Variants in IL34 observed in about 807,000 individuals in gnomAD.
IL34 encodes interleukin-34.
Under a neutral mutation model 25.3 loss-of-function variants are expected in IL34, and 17 were observed. That is an observed-to-expected ratio of 0.67 (90% CI 0.46 to 1.01). The LOEUF is 1.01. Among genes scored for constraint, IL34 ranks in the 50% least tolerant of loss-of-function variants. The pLI is 0.00. For synonymous variants in IL34, 174 were observed against 140.9 expected (o/e 1.23, Z -1.66); for missense variants, 368 against 312.9 (o/e 1.18, Z -1.33).
intron 1 of IL34, among the ~76,000 whole-genome samples, chr16:70,641,524 C>G (rs1404146687): frequency 3.9e-5 from 5 of 129,270 alleles, no homozygotes; most frequent in African/African-American, 1.5e-4. Flanking sequence ...TCCCTCCCTT[C>G]CTCCCTCCCT....
chr16:70,654,476 G>A, intron 1 of IL34, 62 bp from the exon 2 acceptor site: 2 of 1,533,448 alleles, frequency 1.3e-6, no homozygotes, highest in South Asian at 1.3e-5. Context: ...GGCTTTGCGT[G>A]TTGTGGACGG....
chr16:70,646,994 C>T lies in IL34; in HGVS notation c.28+19C>T, dbSNP rs556241304. The T allele has an allele frequency of 2.1e-5, 31 of 1,448,912 alleles. No individual in the cohort carries two copies. The South Asian group carries it at 4.1e-4, about 19-fold the overall frequency. The allele number at this position is 1,448,912 out of a possible 1,614,324, so 89.8% of individuals were successfully genotyped here. On this transcript the variant is annotated intron_variant, in intron 1 of 5. Transcript: ENST00000288098. ...CTGCGCTGTGAGTACTGGGGGGTCC[C>T]TAGGGACCTGCATTGGGAGGCCTTG...
intron 1 of IL34, among the ~76,000 whole-genome samples, chr16:70,638,216 C>A (rs1466336319): frequency 6.6e-6 from 1 of 152,022 alleles, no homozygotes; most frequent in East Asian, 1.9e-4. Context: ...ATGGCTCATG[C>A]CTGTAACCCC....
At position 70,620,428 on chromosome 16, in the gene IL34, A is replaced by G. The variant is rs563079670; in HGVS notation, c.-400-26120A>G. Among the ~76,000 whole-genome samples the G allele has an allele frequency of 8.1e-3, 1,168 of 143,332 alleles. 10 individuals are homozygous for G. Among genetic ancestry groups the G allele is most frequent in the African/African-American group, 0.028 (1,008 of 35,994 alleles). The allele number at this position is 143,332 out of a possible 152,430, so 94.0% of individuals were successfully genotyped here. ...ACGCAACGAAACTGTAAGCCCCACCAGGTGTGAGGAGGGGAGGTGATAAAA... is the reference window on the plus strand; with the variant it reads ...ACGCAACGAAACTGTAAGCCCCACCGGGTGTGAGGAGGGGAGGTGATAAAA... On this transcript the variant is annotated intron_variant, in intron 1 of 6. Transcript: ENST00000429149.
At chr16:70,632,293 C>T (rs904496837) in intron 1 of IL34, among the ~76,000 whole-genome samples, 5 of 152,162 alleles carry the variant, frequency 3.3e-5, no homozygotes, top group African/African-American at 1.2e-4. Context: ...CTGACCTTCG[C>T]TGACCCTAAT....
intron 1 of IL34, among the ~76,000 whole-genome samples, chr16:70,650,309 T>C (rs1300907086): frequency 6.6e-6 from 1 of 152,140 alleles, no homozygotes; most frequent in Non-Finnish European, 1.5e-5. Flanking sequence ...AAACTTGCCC[T>C]TAGCAATGAT....
At chr16:70,587,333 A>G (rs2050706588) in intron 1 of IL34, among the ~76,000 whole-genome samples, 1 of 151,860 alleles carries the variant, frequency 6.6e-6, no homozygotes, top group Non-Finnish European at 1.5e-5. Context: ...GCAGTGGCAC[A>G]ATCTGAGCTC....
chr16:70,646,816 C>T lies in IL34; in HGVS notation c.-132C>T, dbSNP rs1374023752. The T allele has an allele frequency of 2.3e-6, 2 of 866,458 alleles. No individual in the cohort carries two copies. Among genetic ancestry groups the T allele is most frequent in the African/African-American group, 1.8e-5 (1 of 55,574 alleles). The allele number at this position is 866,458 out of a possible 1,614,324, so 53.7% of individuals were successfully genotyped here. A position where few individuals can be genotyped will look rare whatever the true frequency, so the allele number is the denominator to read the frequency against. ...GCTCACTCCCGCAGCCCAGCCACTCCTCCAGGGCCAGCCCTTCCCTGACTG... is the reference window on the plus strand; with the variant it reads ...GCTCACTCCCGCAGCCCAGCCACTCTTCCAGGGCCAGCCCTTCCCTGACTG... On this transcript the variant is annotated 5_prime_UTR_variant, in exon 1 of 6. Transcript: ENST00000288098.
chr16:70,588,791 C>A (rs1330213479), intron 1 of IL34, among the ~76,000 whole-genome samples: 2 of 152,118 alleles, frequency 1.3e-5, no homozygotes, highest in Non-Finnish European at 2.9e-5. Flanking sequence ...GTGAAATTAG[C>A]CAGGCACAAA....
At chr16:70,597,224 C>CT (rs199537943) in intron 1 of IL34, among the ~76,000 whole-genome samples, 112 of 144,820 alleles carry the variant, frequency 7.7e-4, no homozygotes, top group East Asian at 1.0e-3. Context: ...AGTTTTTTAG[C>CT]TTTTTTTTTT....
rs376172131 is a variant in IL34 at position 70,638,205 on chromosome 16, G to T, written c.-400-8343G>T. On this transcript the variant is annotated intron_variant, in intron 1 of 6. Transcript: ENST00000429149. ...TAAAAACTGGAATCAGACTGGGCGC[G>T]ATGGCTCATGCCTGTAACCCCAGCA... Among the ~76,000 whole-genome samples, 25 of 152,200 alleles carry T rather than the reference G, an allele frequency of 1.6e-4. No individual in the cohort carries two copies. The East Asian group carries it at 4.5e-3, about 27-fold the overall frequency.
At chr16:70,628,877 T>C (rs183738416) in intron 1 of IL34, among the ~76,000 whole-genome samples, 1 of 148,226 alleles carries the variant, frequency 6.7e-6, no homozygotes, top group African/African-American at 2.5e-5. Context: ...AGCTTCGAAC[T>C]CCTGGGTTCA....
chr16:70,605,104 G>A (rs147730308), intron 1 of IL34, among the ~76,000 whole-genome samples: 274 of 152,250 alleles, frequency 1.8e-3, no homozygotes, highest in Middle Eastern at 3.4e-3. Context: ...ATCAGGGAGA[G>A]AGGTGGGGAC....
At chr16:70,595,559 C>A (rs1205725588) in intron 1 of IL34, among the ~76,000 whole-genome samples, 1 of 152,026 alleles carries the variant, frequency 6.6e-6, no homozygotes, top group South Asian at 2.1e-4. Flanking sequence ...CTCATGTGAT[C>A]CTCCCACTTC....
chr16:70,658,600 G>GC (rs2052296188), intron 4 of IL34, among the ~76,000 whole-genome samples: 1 of 151,946 alleles, frequency 6.6e-6, no homozygotes, highest in South Asian at 2.1e-4. Context: ...TCCTGCCTCA[G>GC]CCTCCCAAGT....
chr16:70,646,828 C>A lies in IL34; in HGVS notation c.-120C>A. 1.0e-6 allele frequency: 1 copy of A among 972,488 alleles called. No individual in the cohort carries two copies. Among genetic ancestry groups the A allele is most frequent in the Non-Finnish European group, 1.5e-6 (1 of 689,050 alleles). 60.2% of individuals were successfully genotyped at this position (972,488 alleles called of 1,614,324 possible). On this transcript the variant is annotated 5_prime_UTR_variant, in exon 1 of 6. Transcript: ENST00000288098. Reference sequence around the variant, plus strand: ...AGCCCAGCCACTCCTCCAGGGCCAGCCCTTCCCTGACTGAGTGACCACCTC... The same window carrying A: ...AGCCCAGCCACTCCTCCAGGGCCAGACCTTCCCTGACTGAGTGACCACCTC...
At chr16:70,637,359 TTTA>T (rs1376098071) in intron 1 of IL34, among the ~76,000 whole-genome samples, 6 of 137,168 alleles carry the variant, frequency 4.4e-5, no homozygotes, top group African/African-American at 1.5e-4. Context: ...TTAATTTCTT[TTTA>T]TTATTTATTT....
chr16:70,630,649 C>T (rs1287523138), intron 1 of IL34, among the ~76,000 whole-genome samples: 1 of 151,424 alleles, frequency 6.6e-6, no homozygotes. Flanking sequence ...TCATGGCTCA[C>T]TGCAACCTCA....
rs566457883 is a variant in IL34 at position 70,618,579 on chromosome 16, G to C, written c.-400-27969G>C. ...AGCGGCAGCCGCTGCACGCAGACATGAGGGCTAGGCTAAAACAGTAAGGTC... is the reference window on the plus strand; with the variant it reads ...AGCGGCAGCCGCTGCACGCAGACATCAGGGCTAGGCTAAAACAGTAAGGTC... On this transcript the variant is annotated intron_variant, in intron 1 of 6. Transcript: ENST00000429149. Among the ~76,000 whole-genome samples, 3 of 152,304 alleles carry C rather than the reference G, an allele frequency of 2.0e-5. No individual in the cohort carries two copies. In the East Asian group the frequency reaches 5.8e-4, roughly 29 times the overall value.
Sources: allele counts gnomAD v4.1 joint callset (sites outside exome capture counted in the v4.1 genomes callset), GRCh38; gene constraint gnomAD v4.1.1; transcripts MANE v1.5; gene names NCBI Gene and HGNC (gene_info 2026-07-23, HGNC 2026-07-21).